The following CREB5 variants were observed in gnomAD, a reference collection of about 807,000 sequenced individuals.
CREB5 encodes cyclic AMP-responsive element-binding protein 5.
In CREB5, 19 loss-of-function variants were observed where a neutral mutation model predicts 57.1. That is an observed-to-expected ratio of 0.33 (90% CI 0.23 to 0.49). The LOEUF is 0.49. CREB5 is among the 20% of genes least tolerant of loss of function. The pLI is 0.99. For missense variants in CREB5, 579 were observed against 671.6 expected, an observed-to-expected ratio of 0.86 and a Z score of 1.52; for synonymous variants, 238 against 238.3, an observed-to-expected ratio of 1.00 and a Z score of 0.01.
chr7:28,517,883 C>T (rs1793041942), intron 4 of CREB5, among the ~76,000 whole-genome samples: 1 of 152,136 alleles, frequency 6.6e-6, no homozygotes, highest in African/African-American at 2.4e-5. Context: ...AAGGACTTTA[C>T]TTTCAGCATC....
At chr7:28,389,658 A>G (rs2127997547) in intron 1 of CREB5, among the ~76,000 whole-genome samples, 1 of 150,156 alleles carries the variant, frequency 6.7e-6, no homozygotes, top group Admixed American at 6.6e-5. Flanking sequence ...TAAAGGGTTC[A>G]TAAACTACAG....
chr7:28,595,064 A>C (rs987592198), intron 5 of CREB5, among the ~76,000 whole-genome samples: 2 of 152,178 alleles, frequency 1.3e-5, no homozygotes, highest in African/African-American at 4.8e-5. Flanking sequence ...CCCACAGTGC[A>C]ATGTCTGTGT....
At chr7:28,306,555 G>GT (rs869277871) in intron 1 of CREB5, among the ~76,000 whole-genome samples, 6,018 of 58,222 alleles carry the variant, frequency 0.1, 324 homozygotes, top group Middle Eastern at 0.21. Context: ...TGTTTTTTTT[G>GT]TTTTTTTTTT....
intron 1 of CREB5, among the ~76,000 whole-genome samples, chr7:28,339,872 C>T (rs930857903): frequency 3.9e-5 from 6 of 152,226 alleles, no homozygotes; most frequent in Non-Finnish European, 8.8e-5. Flanking sequence ...CCCACTCTTC[C>T]TTCCCCTTTC....
chr7:28,642,985 CAT>C (rs1491447050), intron 5 of CREB5, among the ~76,000 whole-genome samples: 3,056 of 107,758 alleles, frequency 0.028, 19 homozygotes, highest in Admixed American at 0.059. Context: ...CACACACACA[CAT>C]ACACACACAC....
At chr7:28,644,258 A>C (rs1168444581) in intron 5 of CREB5, among the ~76,000 whole-genome samples, 1 of 152,148 alleles carries the variant, frequency 6.6e-6, no homozygotes, top group Non-Finnish European at 1.5e-5. Context: ...AGACCTGGTG[A>C]TGCCTGTGTC....
intron 7 of CREB5, among the ~76,000 whole-genome samples, chr7:28,773,092 G>A (rs1404479627): frequency 1.3e-5 from 2 of 151,934 alleles, no homozygotes; most frequent in Non-Finnish European, 2.9e-5. Context: ...TCCTTTAAGC[G>A]CCCATTCAGC....
intron 1 of CREB5, among the ~76,000 whole-genome samples, chr7:28,396,645 T>C (rs1414192579): frequency 6.6e-6 from 1 of 152,144 alleles, no homozygotes; most frequent in Non-Finnish European, 1.5e-5. Context: ...GGAAATATAT[T>C]TTTTTCTATA....
At chr7:28,745,324 G>A (rs1216226512) in intron 7 of CREB5, among the ~76,000 whole-genome samples, 1 of 152,246 alleles carries the variant, frequency 6.6e-6, no homozygotes, top group Non-Finnish European at 1.5e-5. Flanking sequence ...GACAGCCACT[G>A]AACCAGGAAT....
chr7:28,667,079 T>C (rs1583507970), intron 5 of CREB5, among the ~76,000 whole-genome samples: 1 of 152,162 alleles, frequency 6.6e-6, no homozygotes, highest in East Asian at 1.9e-4. Flanking sequence ...AAACGAGGAC[T>C]GATGCTCTTG....
chr7:28,659,042 G>T (rs964680330), intron 5 of CREB5, among the ~76,000 whole-genome samples: 1 of 147,124 alleles, frequency 6.8e-6, no homozygotes, highest in East Asian at 2.0e-4. Context: ...AATGAAATGA[G>T]AATGAATACT....
At chr7:28,316,757 A>G (rs777873942) in intron 1 of CREB5, among the ~76,000 whole-genome samples, 2 of 152,156 alleles carry the variant, frequency 1.3e-5, no homozygotes, top group Non-Finnish European at 2.9e-5. Flanking sequence ...TGATTGAGTC[A>G]ACAGCTCTAA....
intron 4 of CREB5, among the ~76,000 whole-genome samples, chr7:28,545,512 G>A (rs1437508442): frequency 2.6e-5 from 4 of 152,136 alleles, no homozygotes; most frequent in African/African-American, 9.7e-5. Flanking sequence ...TCTTCCAGGG[G>A]TGTTACATCT....
At chr7:28,673,820 T>C (rs1235212338) in intron 5 of CREB5, among the ~76,000 whole-genome samples, 2 of 151,894 alleles carry the variant, frequency 1.3e-5, no homozygotes, top group South Asian at 2.1e-4. Flanking sequence ...ACTACAGGCG[T>C]ACACCACCAC....
chr7:28,642,993 C>CACAT (rs1554279332), intron 5 of CREB5, among the ~76,000 whole-genome samples: 139 of 101,628 alleles, frequency 1.4e-3, no homozygotes, highest in Non-Finnish European at 2.3e-3. Flanking sequence ...CACATACACA[C>CACAT]ACACACACAC....
At chr7:28,352,421 G>T (rs1185294098) in intron 1 of CREB5, among the ~76,000 whole-genome samples, 1 of 152,190 alleles carries the variant, frequency 6.6e-6, no homozygotes, top group Non-Finnish European at 1.5e-5. Flanking sequence ...TTAGTTGTAA[G>T]TATGAAAAAC....
At chr7:28,576,337 C>T (rs1484946019) in intron 5 of CREB5, among the ~76,000 whole-genome samples, 1 of 152,198 alleles carries the variant, frequency 6.6e-6, no homozygotes, top group East Asian at 1.9e-4. Flanking sequence ...TCTTCAATAG[C>T]TCAGAGAGGT....
chr7:28,438,486 T>C (rs751500999), intron 1 of CREB5, among the ~76,000 whole-genome samples: 24 of 152,272 alleles, frequency 1.6e-4, no homozygotes, highest in Non-Finnish European at 3.1e-4. Context: ...CTGATAAGTA[T>C]TGATTAATTC....
At chr7:28,327,996 CA>C (rs1416036964) in intron 1 of CREB5, among the ~76,000 whole-genome samples, 1 of 152,108 alleles carries the variant, frequency 6.6e-6, no homozygotes, top group Non-Finnish European at 1.5e-5. Flanking sequence ...GCTGAAAGAT[CA>C]AAAAATAAAA....
Sources: allele counts gnomAD v4.1 joint callset (sites outside exome capture counted in the v4.1 genomes callset), GRCh38; gene constraint gnomAD v4.1.1; transcripts MANE v1.5; gene names NCBI Gene and HGNC (gene_info 2026-07-23, HGNC 2026-07-21).